Variants in DIAPH2 observed in about 807,000 individuals in gnomAD.
DIAPH2 encodes protein diaphanous homolog 2.
Under a neutral mutation model 92.7 loss-of-function variants are expected in DIAPH2, and 35 were observed. The observed-to-expected ratio is 0.38, with a 90% confidence interval of 0.29 to 0.50. DIAPH2 has a LOEUF of 0.50. DIAPH2 is among the 20% of genes least tolerant of loss of function. The pLI, the probability that DIAPH2 is intolerant of heterozygous loss-of-function variation, is 0.94. For missense variants in DIAPH2, 701 were observed against 819.5 expected (o/e 0.86, Z 1.77); for synonymous variants, 301 against 280.4 (o/e 1.07, Z -0.73).
In DIAPH2 at chrX:96,795,076, T is replaced by A. The variant is rs1254700177; in HGVS notation, c.447+36818T>A. Among the ~76,000 whole-genome samples, 6 of 112,311 alleles carry A rather than the reference T, an allele frequency of 5.3e-5. No homozygotes were observed. The East Asian group carries it at 1.7e-3, about 31-fold the overall frequency. On this transcript the variant is annotated intron_variant, in intron 4 of 26. Transcript: ENST00000324765. ...TCCTTAATTATATTTGCAAAGATCC[T>A]TTTTCCAAGAAAAGTCACATTCACA... is the stretch of plus-strand genomic sequence containing the variant.
At chrX:97,206,538 A>T (rs1012670377) in intron 22 of DIAPH2, among the ~76,000 whole-genome samples, 2 of 111,381 alleles carry the variant, frequency 1.8e-5, no homozygotes, top group African/African-American at 6.5e-5. Flanking sequence ...ATGTCATAGG[A>T]TCTTTTACGT....
chrX:96,877,067 C>T (rs1266041215), intron 4 of DIAPH2, among the ~76,000 whole-genome samples: 2 of 111,058 alleles, frequency 1.8e-5, no homozygotes, highest in Non-Finnish European at 3.8e-5. Flanking sequence ...GGAGAGAAGC[C>T]ATCTAAAGGT....
intron 17 of DIAPH2, among the ~76,000 whole-genome samples, chrX:97,016,004 GAAGT>G (rs891581613): frequency 4.5e-5 from 5 of 111,653 alleles, no homozygotes; most frequent in African/African-American, 1.6e-4. Flanking sequence ...CTTTTTGTTA[GAAGT>G]AAGTAAAATG....
At chrX:96,821,534 G>A (rs1339058273) in intron 4 of DIAPH2, among the ~76,000 whole-genome samples, 1 of 112,092 alleles carries the variant, frequency 8.9e-6, no homozygotes, top group Admixed American at 9.5e-5. Context: ...TGTCTCACTG[G>A]TGATTGATTG....
chrX:97,372,367 G>C (rs1031310734), intron 24 of DIAPH2, among the ~76,000 whole-genome samples: 3 of 112,255 alleles, frequency 2.7e-5, no homozygotes, highest in African/African-American at 9.7e-5. Flanking sequence ...CACCATGCTG[G>C]TGTGCAAAGA....
At chrX:97,319,532 G>A (rs779492612) in intron 23 of DIAPH2, among the ~76,000 whole-genome samples, 225 of 109,734 alleles carry the variant, frequency 2.1e-3, no homozygotes, top group Non-Finnish European at 3.8e-3. Flanking sequence ...GACTACAGGC[G>A]CCCACCACTG....
intron 4 of DIAPH2, among the ~76,000 whole-genome samples, chrX:96,818,989 T>C (rs1418686898): frequency 8.9e-6 from 1 of 112,623 alleles, no homozygotes; most frequent in African/African-American, 3.2e-5. Context: ...CTAGATACTT[T>C]GCATGTGCAG....
intron 25 of DIAPH2, among the ~76,000 whole-genome samples, chrX:97,423,145 T>A (rs2070026855): frequency 9.0e-6 from 1 of 111,280 alleles, no homozygotes; most frequent in African/African-American, 3.3e-5. Context: ...TCTTTTATAA[T>A]GGACTGAACA....
intron 26 of DIAPH2, among the ~76,000 whole-genome samples, chrX:97,515,502 G>C (rs146648944): frequency 8.9e-6 from 1 of 112,300 alleles, no homozygotes; most frequent in African/African-American, 3.2e-5. Context: ...CTGTAGACCA[G>C]AGCTGTTCCT....
At chrX:97,336,526 G>A (rs776093087) in intron 23 of DIAPH2, among the ~76,000 whole-genome samples, 5 of 110,179 alleles carry the variant, frequency 4.5e-5, no homozygotes, top group Non-Finnish European at 5.7e-5. Flanking sequence ...TGGTATTACA[G>A]TTGTGAGCCA....
intron 23 of DIAPH2, among the ~76,000 whole-genome samples, chrX:97,340,725 G>A (rs1363377544): frequency 2.0e-5 from 2 of 102,483 alleles, no homozygotes; most frequent in East Asian, 6.1e-4. Context: ...GCATCATCTC[G>A]GCTCACTGCA....
intron 21 of DIAPH2, among the ~76,000 whole-genome samples, chrX:97,128,752 A>G (rs1409145444): frequency 1.8e-5 from 2 of 112,246 alleles, no homozygotes; most frequent in Non-Finnish European, 3.8e-5. Context: ...CTAGAATTTC[A>G]TATGAATGGA....
intron 22 of DIAPH2, among the ~76,000 whole-genome samples, chrX:97,164,811 A>C (rs2067400017): frequency 8.9e-6 from 1 of 112,388 alleles, no homozygotes; most frequent in Non-Finnish European, 1.9e-5. Context: ...TATACAATGA[A>C]TGATATGAAA....
At chrX:97,294,397 T>A (rs2068626142) in intron 23 of DIAPH2, among the ~76,000 whole-genome samples, 1 of 112,476 alleles carries the variant, frequency 8.9e-6, no homozygotes. Context: ...AAAGAGGAAG[T>A]GACTTACATC....
chrX:97,412,698 A>G (rs756533886), intron 25 of DIAPH2, among the ~76,000 whole-genome samples: 141 of 111,989 alleles, frequency 1.3e-3, no homozygotes, highest in African/African-American at 4.3e-3. Flanking sequence ...TCAAATGGAC[A>G]CAATAAAAAA....
intron 23 of DIAPH2, among the ~76,000 whole-genome samples, chrX:97,309,396 C>T (rs1043665270): frequency 7.2e-5 from 8 of 111,265 alleles, no homozygotes; most frequent in African/African-American, 2.3e-4. Context: ...CCACCGCGCC[C>T]GGCCAATTTT....
intron 22 of DIAPH2, among the ~76,000 whole-genome samples, chrX:97,162,711 C>T (rs1433440961): frequency 1.8e-5 from 2 of 111,099 alleles, no homozygotes; most frequent in African/African-American, 3.3e-5. Context: ...GACAGGATTT[C>T]GCCATGTTGC....
At chrX:97,535,950 A>G (rs2076291407) in intron 26 of DIAPH2, among the ~76,000 whole-genome samples, 1 of 112,302 alleles carries the variant, frequency 8.9e-6, no homozygotes, top group South Asian at 3.6e-4. Context: ...CACAATTTAT[A>G]CAAACAACAG....
At chrX:97,592,308 A>T (rs1569430998) in intron 26 of DIAPH2, among the ~76,000 whole-genome samples, 1 of 111,832 alleles carries the variant, frequency 8.9e-6, no homozygotes, top group Non-Finnish European at 1.9e-5. Context: ...TGAGGTTCAT[A>T]ATAGAGATGG....
Sources: allele counts gnomAD v4.1 joint callset (sites outside exome capture counted in the v4.1 genomes callset), GRCh38; gene constraint gnomAD v4.1.1; transcripts MANE v1.5; gene names NCBI Gene and HGNC (gene_info 2026-07-23, HGNC 2026-07-21).